Variants in CGNL1 observed in about 807,000 individuals in gnomAD.
CGNL1 encodes the protein cingulin like 1.
Under a neutral mutation model 141.2 loss-of-function variants are expected in CGNL1, and 132 were observed. The ratio of observed to expected loss-of-function variants is 0.93; its 90% confidence interval spans 0.81 to 1.08. The LOEUF (loss-of-function observed/expected upper bound fraction) is 1.08. Ranked by LOEUF, CGNL1 falls within the 50% of genes least tolerant of loss-of-function variation. The pLI, the probability that CGNL1 is intolerant of heterozygous loss-of-function variation, is 0.00. For missense variants in CGNL1, 1,870 were observed against 1,588.6 expected, an observed-to-expected ratio of 1.18 and a Z score of -3.01; for synonymous variants, 690 against 622.1, an observed-to-expected ratio of 1.11 and a Z score of -1.63.
chr15:57,526,889 G>A (rs973984854), intron 12 of CGNL1, among the ~76,000 whole-genome samples: 2 of 152,040 alleles, frequency 1.3e-5, no homozygotes, highest in Admixed American at 6.5e-5. Context: ...TTGGGAAGGG[G>A]GACAGGAAGG....
intron 1 of CGNL1, among the ~76,000 whole-genome samples, chr15:57,383,595 C>CCTCTT (rs1423875144): frequency 3.7e-5 from 4 of 107,652 alleles, no homozygotes; most frequent in African/African-American, 1.6e-4. Flanking sequence ...ACCACATCTG[C>CCTCTT]CTTTTCTTTT....
chr15:57,448,822 G>A (rs1405073205), intron 4 of CGNL1, among the ~76,000 whole-genome samples: 3 of 151,778 alleles, frequency 2.0e-5, no homozygotes, highest in African/African-American at 4.8e-5. Context: ...CATGTCTAAG[G>A]ATTTTTTTTT....
intron 8 of CGNL1, among the ~76,000 whole-genome samples, chr15:57,473,387 C>A (rs2063607589): frequency 6.6e-6 from 1 of 152,144 alleles, no homozygotes; most frequent in Non-Finnish European, 1.5e-5. Flanking sequence ...GTCATAAACT[C>A]TAAATTCATT....
intron 1 of CGNL1, among the ~76,000 whole-genome samples, chr15:57,421,223 T>A (rs1303828500): frequency 6.6e-6 from 1 of 152,254 alleles, no homozygotes; most frequent in Non-Finnish European, 1.5e-5. Flanking sequence ...ACTGGCACCT[T>A]GGTCTTGGAC....
intron 13 of CGNL1, among the ~76,000 whole-genome samples, chr15:57,530,019 C>T (rs1270026738): frequency 6.6e-6 from 1 of 152,194 alleles, no homozygotes; most frequent in Non-Finnish European, 1.5e-5. Context: ...AAGGTCAACC[C>T]ACTTAACTAG....
At chr15:57,543,266 C>T (rs982511358) in intron 14 of CGNL1, among the ~76,000 whole-genome samples, 1 of 149,704 alleles carries the variant, frequency 6.7e-6, no homozygotes, top group South Asian at 2.1e-4. Flanking sequence ...TCCCTGTGTA[C>T]GTGTTTGTCT....
chr15:57,412,922 C>T (rs59987682), intron 1 of CGNL1, among the ~76,000 whole-genome samples: 3,151 of 152,134 alleles, frequency 0.021, 104 homozygotes, highest in African/African-American at 0.072. Flanking sequence ...TACAGTGGCG[C>T]GATCTCGGCT....
At position 57,517,004 on chromosome 15, in the gene CGNL1, C is replaced by G. The variant is rs1162431246; in HGVS notation, c.2610+18C>G. The G allele has an allele frequency of 7.5e-6, 12 of 1,605,480 alleles. No individual in the cohort carries two copies. The highest frequency in any genetic ancestry group is 2.7e-5 in the African/African-American group (2 of 74,218). On this transcript the variant is annotated intron_variant, in intron 9 of 18. Coordinates refer to ENST00000281282, the MANE Select transcript of CGNL1 (RefSeq NM_032866.5). ...AGTACGAGGTGAGGCTCGCTGGGCC[C>G]AGGCCCAGCTTTGGCAGCTGCTGCT...
At chr15:57,512,071 A>G (rs1250305766) in intron 8 of CGNL1, among the ~76,000 whole-genome samples, 4 of 152,134 alleles carry the variant, frequency 2.6e-5, no homozygotes, top group Admixed American at 2.0e-4. Flanking sequence ...GCTCTTTACC[A>G]GCTCTGTCTT....
intron 8 of CGNL1, among the ~76,000 whole-genome samples, chr15:57,507,784 T>A (rs1241339655): frequency 2.0e-5 from 3 of 151,992 alleles, no homozygotes; most frequent in Non-Finnish European, 2.9e-5. Flanking sequence ...GCAGTAGGAG[T>A]AGAACCTCTA....
At chr15:57,386,704 C>G (rs115097353) in intron 1 of CGNL1, among the ~76,000 whole-genome samples, 1 of 152,098 alleles carries the variant, frequency 6.6e-6, no homozygotes, top group Admixed American at 6.6e-5. Flanking sequence ...ACGACAGTGA[C>G]GACGATAACA....
chr15:57,461,513 G>A (rs2063445785), intron 7 of CGNL1, among the ~76,000 whole-genome samples, 167 bp from the exon 8 acceptor site: 1 of 152,180 alleles, frequency 6.6e-6, no homozygotes, highest in Non-Finnish European at 1.5e-5. Flanking sequence ...AGAAATGCAG[G>A]GGGAGAGGAA....
intron 1 of CGNL1, among the ~76,000 whole-genome samples, chr15:57,386,957 A>G (rs1275008018): frequency 6.6e-6 from 1 of 152,188 alleles, no homozygotes; most frequent in African/African-American, 2.4e-5. Flanking sequence ...ATTTTAACCA[A>G]TTTAAAGTGT....
At chr15:57,529,342 AC>A (rs2031812714) in intron 13 of CGNL1, among the ~76,000 whole-genome samples, 1 of 152,188 alleles carries the variant, frequency 6.6e-6, no homozygotes, top group Admixed American at 6.5e-5. Flanking sequence ...CATAGTATGT[AC>A]ATAGTCCAAG....
intron 5 of CGNL1, 117 bp from the exon 6 acceptor site, chr15:57,452,024 A>G: frequency 1.2e-6 from 1 of 825,210 alleles, no homozygotes; most frequent in Admixed American, 2.8e-5. Flanking sequence ...TAGTTTGATT[A>G]AGTTGTTTAA....
intron 1 of CGNL1, among the ~76,000 whole-genome samples, chr15:57,410,011 C>G (rs972855554): frequency 4.6e-5 from 7 of 152,168 alleles, no homozygotes; most frequent in African/African-American, 1.7e-4. Flanking sequence ...AGGCACAAGC[C>G]GTTAGCCCAG....
At chr15:57,451,333 AC>A (rs1387589960) in intron 4 of CGNL1, among the ~76,000 whole-genome samples, 166 bp from the exon 5 acceptor site, 2 of 152,232 alleles carry the variant, frequency 1.3e-5, no homozygotes, top group Non-Finnish European at 2.9e-5. Context: ...AACTCTGCCC[AC>A]CAAGTCAGGG....
chr15:57,488,418 CT>C (rs1409048841), intron 8 of CGNL1, among the ~76,000 whole-genome samples: 1 of 152,272 alleles, frequency 6.6e-6, no homozygotes, highest in African/African-American at 2.4e-5. Context: ...CCAGTTTACT[CT>C]TTTTTCTGTT....
intron 14 of CGNL1, among the ~76,000 whole-genome samples, chr15:57,532,829 C>T (rs1480352885): frequency 6.6e-6 from 1 of 152,194 alleles, no homozygotes; most frequent in Non-Finnish European, 1.5e-5. Flanking sequence ...GGCACTTTTC[C>T]CTCTATGGCC....
Sources: allele counts gnomAD v4.1 joint callset (sites outside exome capture counted in the v4.1 genomes callset), GRCh38; gene constraint gnomAD v4.1.1; transcripts MANE v1.5; gene names NCBI Gene and HGNC (gene_info 2026-07-23, HGNC 2026-07-21).